DAB1: variants seen among roughly 807,000 people sequenced by gnomAD.
DAB1 encodes disabled homolog 1.
Under a neutral mutation model 64.6 loss-of-function variants are expected in DAB1, and 15 were observed. The ratio of observed to expected loss-of-function variants is 0.23; its 90% CI spans 0.16 to 0.36. The LOEUF (loss-of-function observed/expected upper bound fraction) is 0.36. Ranked by LOEUF, DAB1 falls within the 10% of genes least tolerant of loss-of-function variation. The pLI is 1.00. For missense variants in DAB1, 596 were observed against 706.7 expected (o/e 0.84, Z 1.78); for synonymous variants, 235 against 251.9 (o/e 0.93, Z 0.64).
intron 3 of DAB1, among the ~76,000 whole-genome samples, chr1:58,444,578 C>T (rs556355222): frequency 6.6e-6 from 1 of 152,290 alleles, no homozygotes; most frequent in Admixed American, 6.5e-5. Context: ...GGGAGAGGCA[C>T]CATCAGCATT....
intron 14 of DAB1, among the ~76,000 whole-genome samples, chr1:57,005,034 C>G: frequency 6.6e-6 from 1 of 152,144 alleles, no homozygotes; most frequent in South Asian, 2.1e-4. Flanking sequence ...GTCTGAAAGT[C>G]TGGCTGTTAG....
chr1:57,028,900 T>A (rs1646876162), intron 9 of DAB1, among the ~76,000 whole-genome samples: 1 of 151,976 alleles, frequency 6.6e-6, no homozygotes, highest in Admixed American at 6.6e-5. Flanking sequence ...GTTTGAAAAA[T>A]TTGCAGCCTG....
In DAB1 at chr1:57,331,986, C is replaced by T. The variant is rs113144202; in HGVS notation, c.-136-40820G>A. Among the ~76,000 whole-genome samples the T allele has an allele frequency of 3.0e-3, 461 of 152,242 alleles. 4 individuals are homozygous for T. The highest frequency in any genetic ancestry group is 9.8e-3 in the African/African-American group (406 of 41,556). ...TGCTTGTTTGTTTGTTTTTTAAAGA[C>T]GGAGTCTTGCTCTATTGCCCAGCCT... On this transcript the variant is annotated intron_variant, in intron 1 of 14. Coordinates refer to ENST00000371236, the MANE Select transcript of DAB1 (RefSeq NM_001365792.1).
In DAB1 at chr1:57,567,879, C is replaced by T. The variant is rs922757821; in HGVS notation, n.625+81713G>A. On this transcript the variant is annotated intron_variant and non_coding_transcript_variant, in intron 7 of 20. Coordinates refer to the DAB1 transcript ENST00000485760. ...GGTAATTTATAGATTTAATGCCATC[C>T]CCATCAAGCTACAAATGACTTTCTT... is the stretch of plus-strand genomic sequence containing the variant. Among the ~76,000 whole-genome samples the T allele has an allele frequency of 3.9e-5, 6 of 152,094 alleles. No individual in the cohort carries two copies. The South Asian group carries it at 1.0e-3, about 26-fold the overall frequency.
intron 3 of DAB1, among the ~76,000 whole-genome samples, chr1:58,351,875 C>T (rs1033673138): frequency 6.8e-6 from 1 of 146,448 alleles, no homozygotes; most frequent in Non-Finnish European, 1.5e-5. Context: ...TAGATGAATG[C>T]TTTTCTAAGG....
At chr1:57,417,768 T>C (rs1684597701) in intron 1 of DAB1, among the ~76,000 whole-genome samples, 1 of 152,194 alleles carries the variant, frequency 6.6e-6, no homozygotes. Flanking sequence ...GAAAATGCTC[T>C]ATTAAAAAAA....
At chr1:57,635,994 G>A (rs978456072) in intron 7 of DAB1, among the ~76,000 whole-genome samples, 4 of 151,268 alleles carry the variant, frequency 2.6e-5, no homozygotes, top group African/African-American at 7.3e-5. Flanking sequence ...CTACTCAGGA[G>A]GCTGAGGCAG....
At chr1:57,144,978 G>A (rs1658974591) in intron 3 of DAB1, among the ~76,000 whole-genome samples, 1 of 152,042 alleles carries the variant, frequency 6.6e-6, no homozygotes, top group Non-Finnish European at 1.5e-5. Flanking sequence ...AAATGTGGGT[G>A]ACAAAACAAT....
At chr1:57,972,339 G>A (rs148975971) in intron 5 of DAB1, among the ~76,000 whole-genome samples, 2 of 152,204 alleles carry the variant, frequency 1.3e-5, no homozygotes, top group African/African-American at 4.8e-5. Flanking sequence ...TTGGCTCAAG[G>A]GATCCTTCTG....
chr1:57,108,961 G>A (rs1044104231), intron 4 of DAB1, among the ~76,000 whole-genome samples: 35 of 152,222 alleles, frequency 2.3e-4, no homozygotes, highest in Non-Finnish European at 4.0e-4. Context: ...CACATGAGAT[G>A]TGTCTCAGTT....
rs544592991 is a variant in DAB1, at chr1:57,526,852, C to T, written n.625+122740G>A. Among the ~76,000 whole-genome samples the T allele has an allele frequency of 6.6e-5, 10 of 152,026 alleles. No individual in the cohort carries two copies. The South Asian group carries it at 1.0e-3, about 16-fold the overall frequency. On this transcript the variant is annotated intron_variant and non_coding_transcript_variant, in intron 7 of 20. Coordinates refer to the DAB1 transcript ENST00000485760. ...GTTACTTATGAAAATTTTACAAGTG[C>T]GAATTATTATTATCTTTTTAGGGAA...
chr1:57,553,331 GA>G (rs1437856624), intron 7 of DAB1, among the ~76,000 whole-genome samples: 1 of 146,126 alleles, frequency 6.8e-6, no homozygotes, highest in Non-Finnish European at 1.5e-5. Context: ...AGAAAGGAAA[GA>G]AAGAAACAGA....
intron 4 of DAB1, among the ~76,000 whole-genome samples, chr1:58,301,234 AG>A (rs371458879): frequency 0.068 from 3,488 of 51,618 alleles, 59 homozygotes; most frequent in South Asian, 0.11. Context: ...GGGGGTGGAG[AG>A]GGGGGGGTCA....
intron 11 of DAB1, 120 bp from the exon 12 acceptor site, chr1:57,015,551 A>G: frequency 1.1e-6 from 1 of 899,068 alleles, no homozygotes; most frequent in South Asian, 1.8e-5. Context: ...ACTGTGTGCC[A>G]GGGACTGGGG....
chr1:58,543,283 T>C lies in DAB1; in HGVS notation n.32+3420A>G, dbSNP rs1211938248. Among the ~76,000 whole-genome samples, 3 of 152,218 alleles carry C rather than the reference T, an allele frequency of 2.0e-5. No homozygotes were observed. The East Asian group carries it at 5.8e-4, about 29-fold the overall frequency. On this transcript the variant is annotated intron_variant and non_coding_transcript_variant, in intron 1 of 20. Coordinates refer to the DAB1 transcript ENST00000485760. ...TTGTAAATTGACAGCATTTTAATATTATACATGTTGTTTACTGGAACTAGC... is the reference window on the plus strand; with the variant it reads ...TTGTAAATTGACAGCATTTTAATATCATACATGTTGTTTACTGGAACTAGC...
At chr1:58,281,945 G>A (rs12751731) in intron 4 of DAB1, among the ~76,000 whole-genome samples, 95,398 of 151,808 alleles carry the variant, frequency 0.63, 32,094 homozygotes, top group East Asian at 0.86. Flanking sequence ...TCACCACCCC[G>A]TCATCATCAT....
intron 7 of DAB1, among the ~76,000 whole-genome samples, chr1:57,606,687 TG>T (rs999187268): frequency 1.6e-4 from 20 of 127,444 alleles, no homozygotes; most frequent in African/African-American, 5.2e-4. Flanking sequence ...ATATTATGTA[TG>T]AAATATATAT....
At chr1:57,060,722 AAAAC>A (rs752096731) in intron 9 of DAB1, among the ~76,000 whole-genome samples, 5 of 152,146 alleles carry the variant, frequency 3.3e-5, no homozygotes, top group Non-Finnish European at 5.9e-5. Flanking sequence ...GGGGAGGGGT[AAAAC>A]AAACAAACAC....
rs775499924 is a variant in DAB1, at chr1:57,308,292, CTAGATAT to C, written c.-136-17133_-136-17127del. ...TCATTCTCTTGACATCTGTGATTCTCTAGATATTACCAGTTAACGTCCATGCAAGGAG... is the reference window on the plus strand; with the variant it reads ...TCATTCTCTTGACATCTGTGATTCTCTACCAGTTAACGTCCATGCAAGGAG... On this transcript the variant is annotated intron_variant, in intron 1 of 14. Coordinates refer to ENST00000371236, the MANE Select transcript of DAB1 (RefSeq NM_001365792.1). Among the ~76,000 whole-genome samples the C allele has an allele frequency of 4.6e-5, 7 of 152,084 alleles. 1 individual carries two copies. Among genetic ancestry groups the C allele is most frequent in the Non-Finnish European group, 8.8e-5 (6 of 68,034 alleles).
Sources: allele counts gnomAD v4.1 joint callset (sites outside exome capture counted in the v4.1 genomes callset), GRCh38; gene constraint gnomAD v4.1.1; transcripts MANE v1.5; gene names NCBI Gene and HGNC (gene_info 2026-07-23, HGNC 2026-07-21).